IGF1R: variants seen among roughly 807,000 people sequenced by gnomAD.
IGF1R encodes insulin like growth factor 1 receptor.
A neutral mutation model predicts 144.6 loss-of-function variants in IGF1R; 44 were observed. That is an observed-to-expected ratio of 0.30 (90% CI 0.24 to 0.39). The LOEUF is 0.39. IGF1R is among the 10% of genes least tolerant of loss of function. The pLI, the probability that IGF1R is intolerant of heterozygous loss-of-function variation, is 1.00. For missense variants in IGF1R, 1,355 were observed against 1,833.7 expected (o/e 0.74, Z 4.77); for synonymous variants, 795 against 722.8 (o/e 1.10, Z -1.60).
chr15:98,868,346 C>CAAAAAA (rs2012573708), intron 2 of IGF1R, among the ~76,000 whole-genome samples: 1 of 27,632 alleles, frequency 3.6e-5, no homozygotes, highest in African/African-American at 8.4e-5. Flanking sequence ...AAAAAAAAAG[C>CAAAAAA]CAAATCTGTT....
Position 98,683,942 on chromosome 15 carries a change from C to G in IGF1R, c.95-23620C>G, listed in dbSNP as rs74032518. 5.4e-3 allele frequency among the ~76,000 whole-genome samples: 821 copies of G among 152,234 alleles called. 6 individuals are homozygous for G. The highest frequency in any genetic ancestry group is 0.019 in the African/African-American group (789 of 41,530). On this transcript the variant is annotated intron_variant, in intron 1 of 20. Coordinates refer to ENST00000650285, the MANE Select transcript of IGF1R (RefSeq NM_000875.5). ...AAATGTGAGTGTCCTAATCACCTGGCGGGCGTAGATCTTTGGGATCCTCCT... is the reference window on the plus strand; with the variant it reads ...AAATGTGAGTGTCCTAATCACCTGGGGGGCGTAGATCTTTGGGATCCTCCT...
At chr15:98,917,858 T>C (rs1048703850) in intron 10 of IGF1R, among the ~76,000 whole-genome samples, 4 of 152,222 alleles carry the variant, frequency 2.6e-5, no homozygotes, top group African/African-American at 9.6e-5. Flanking sequence ...ATGGGAATTA[T>C]TCCATAATCG....
At chr15:98,773,289 G>A (rs1217904924) in intron 2 of IGF1R, among the ~76,000 whole-genome samples, 1 of 152,158 alleles carries the variant, frequency 6.6e-6, no homozygotes, top group Non-Finnish European at 1.5e-5. Context: ...TTTCCTAAAA[G>A]AGAAGTATGG....
chr15:98,690,108 AAGAC>A (rs1198302328), intron 1 of IGF1R, among the ~76,000 whole-genome samples: 1 of 152,138 alleles, frequency 6.6e-6, no homozygotes, highest in African/African-American at 2.4e-5. Flanking sequence ...TTGGGAGACT[AAGAC>A]AGGAGGATTT....
chr15:98,857,879 A>G (rs947849112), intron 2 of IGF1R, among the ~76,000 whole-genome samples: 2 of 152,224 alleles, frequency 1.3e-5, no homozygotes, highest in Non-Finnish European at 2.9e-5. Context: ...TTCCTGTCAT[A>G]TTTAGGGCTC....
chr15:98,863,579 T>C (rs2012275034), intron 2 of IGF1R, among the ~76,000 whole-genome samples: 1 of 152,236 alleles, frequency 6.6e-6, no homozygotes, highest in Non-Finnish European at 1.5e-5. Flanking sequence ...ACTTTTTAAC[T>C]AGCAGTGGCA....
chr15:98,790,033 C>T (rs1472654145), intron 2 of IGF1R, among the ~76,000 whole-genome samples: 1 of 152,134 alleles, frequency 6.6e-6, no homozygotes, highest in Non-Finnish European at 1.5e-5. Flanking sequence ...GATTTTGCCT[C>T]CGGAGGATTT....
rs150007062 is a variant in IGF1R at position 98,871,692 on chromosome 15, A to G, written c.641-19633A>G. ...AAGAGAAGAAGAGCTTGTGCAGGGA[A>G]ACTTCCATTTTAAAAACCATCAGAT... On this transcript the variant is annotated intron_variant, in intron 2 of 20. Coordinates refer to ENST00000650285, the MANE Select transcript of IGF1R (RefSeq NM_000875.5). Among the ~76,000 whole-genome samples the G allele has an allele frequency of 6.4e-3, 973 of 152,344 alleles. 8 individuals are homozygous for G. Among genetic ancestry groups the G allele is most frequent in the Non-Finnish European group, 8.7e-3 (592 of 68,026 alleles).
At chr15:98,885,603 G>A (rs1460608775) in intron 2 of IGF1R, among the ~76,000 whole-genome samples, 3 of 152,186 alleles carry the variant, frequency 2.0e-5, no homozygotes, top group African/African-American at 7.2e-5. Flanking sequence ...ATATGGAACA[G>A]TGGTGTGTAC....
chr15:98,856,039 C>T (rs1338540556), intron 2 of IGF1R, among the ~76,000 whole-genome samples: 1 of 152,174 alleles, frequency 6.6e-6, no homozygotes, highest in Admixed American at 6.5e-5. Context: ...CCCACAGCCT[C>T]GGTTTAGAGG....
intron 2 of IGF1R, among the ~76,000 whole-genome samples, chr15:98,876,734 G>A (rs2013080736): frequency 6.6e-6 from 1 of 152,148 alleles, no homozygotes; most frequent in South Asian, 2.1e-4. Context: ...TATTTTTGAA[G>A]GTGGGAGTGT....
intron 5 of IGF1R, among the ~76,000 whole-genome samples, chr15:98,905,444 C>A (rs1242539427): frequency 6.6e-6 from 1 of 151,722 alleles, no homozygotes; most frequent in Non-Finnish European, 1.5e-5. Context: ...TTGCTTGAGC[C>A]CAGGAGTTTG....
chr15:98,748,177 A>G (rs60710235), intron 2 of IGF1R, among the ~76,000 whole-genome samples: 11,638 of 152,068 alleles, frequency 0.077, 1,385 homozygotes, highest in African/African-American at 0.25. Context: ...TAATTGATTA[A>G]TTTTTTAGAG....
chr15:98,674,980 T>A (rs1185428492), intron 1 of IGF1R, among the ~76,000 whole-genome samples: 2 of 134,016 alleles, frequency 1.5e-5, no homozygotes, highest in African/African-American at 6.4e-5. Flanking sequence ...TTTTACAATT[T>A]TTTTTTTTTT....
intron 5 of IGF1R, among the ~76,000 whole-genome samples, chr15:98,899,905 G>T (rs944590096): frequency 6.6e-6 from 1 of 152,124 alleles, no homozygotes; most frequent in African/African-American, 2.4e-5. Context: ...GGCAGACGGG[G>T]GTGCGCTTAG....
At chr15:98,922,731 G>C (rs1223128904) in intron 11 of IGF1R, among the ~76,000 whole-genome samples, 1 of 152,244 alleles carries the variant, frequency 6.6e-6, no homozygotes, top group African/African-American at 2.4e-5. Flanking sequence ...CATTCCTGCT[G>C]TCCTTTGCCC....
intron 1 of IGF1R, among the ~76,000 whole-genome samples, chr15:98,690,415 C>A (rs1292200105): frequency 6.6e-6 from 1 of 152,200 alleles, no homozygotes; most frequent in Non-Finnish European, 1.5e-5. Context: ...CCAGGCCCCT[C>A]CTCCTCTCCT....
rs1253210904 is a variant in IGF1R at position 98,649,520 on chromosome 15, CTTTTCTT to C, written c.-57_-51del. ...TCCTTTCATTTCCTTTTTTTCTTTT[CTTTTCTT>C]TTTTTTTTTTTTTTTTTTTTTTGAG... On this transcript the variant is annotated 5_prime_UTR_variant, in exon 1 of 21. Coordinates refer to ENST00000650285, the MANE Select transcript of IGF1R (RefSeq NM_000875.5). 54 of 858,076 alleles carry C rather than the reference CTTTTCTT, an allele frequency of 6.3e-5. No individual in the cohort carries two copies. In the African/African-American group the frequency reaches 8.7e-4, roughly 14 times the overall value. The allele number at this position is 858,076 out of a possible 1,614,324, so 53.2% of individuals were successfully genotyped here.
At chr15:98,747,746 A>T (rs11632952) in intron 2 of IGF1R, among the ~76,000 whole-genome samples, 1 of 152,052 alleles carries the variant, frequency 6.6e-6, no homozygotes, top group African/African-American at 2.4e-5. Context: ...TGGAGAGTCT[A>T]TAAAGTTCTG....
Sources: allele counts gnomAD v4.1 joint callset (sites outside exome capture counted in the v4.1 genomes callset), GRCh38; gene constraint gnomAD v4.1.1; transcripts MANE v1.5; gene names NCBI Gene and HGNC (gene_info 2026-07-23, HGNC 2026-07-21).